Variants in CHD7 observed in about 807,000 individuals in gnomAD.
CHD7 encodes chromodomain helicase DNA binding protein 7.
A neutral mutation model predicts 307.3 loss-of-function variants in CHD7; 24 were observed. The ratio of observed to expected loss-of-function variants is 0.08; its 90% CI spans 0.06 to 0.11. The LOEUF is 0.11. Among genes scored for constraint, CHD7 ranks in the 10% least tolerant of loss-of-function variants. The pLI is 1.00. For synonymous variants in CHD7, 1,363 were observed against 1,349.9 expected, an observed-to-expected ratio of 1.01 and a Z score of -0.21; for missense variants, 3,106 against 3,727.1, an observed-to-expected ratio of 0.83 and a Z score of 4.34.
chr8:60,731,681 A>T (rs970479476), intron 1 of CHD7, among the ~76,000 whole-genome samples: 1 of 152,232 alleles, frequency 6.6e-6, no homozygotes, highest in African/African-American at 2.4e-5. Context: ...ACCAAAATTT[A>T]GTGTCATAGT....
Position 60,865,908 on chromosome 8 carries a change from T to C in CHD7, c.8969T>C (p.Ile2990Thr), listed in dbSNP as rs900764655. 6.2e-7 allele frequency: 1 copy of C among 1,606,054 alleles called. No individual in the cohort carries two copies. The highest frequency in any genetic ancestry group is 1.7e-5 in the Admixed American group (1 of 58,636). ...ELDSLDGGDE[I>T]ENNENDE is the part of the protein sequence containing the mutation. ...GACTCACTTGATGGGGGGGATGAAA[T>C]AGAAAACAATGAAAATGATGAATAA... is the stretch of plus-strand genomic sequence containing the variant. Residue 2990 changes from isoleucine to threonine, a missense_variant, in exon 38 of 38, where the codon ATA (isoleucine) becomes ACA (threonine). Coordinates refer to ENST00000423902, the MANE Select transcript of CHD7 (RefSeq NM_017780.4). The surrounding 1 kb of genome is among the most constrained non-coding windows in gnomAD (Gnocchi z 4.3).
At chr8:60,856,983 C>T (rs1805748312) in intron 34 of CHD7, 95 bp downstream of exon 34, 1 of 1,155,618 alleles carries the variant, frequency 8.7e-7, no homozygotes, top group East Asian at 2.4e-5. Flanking sequence ...CTCTCAGCAG[C>T]ATTGTATGAA....
At position 60,852,606 on chromosome 8, in the gene CHD7, C is replaced by T; in HGVS notation, c.6003C>T (p.Ala2001=). 5.0e-6 allele frequency: 8 copies of T among 1,613,890 alleles called. No homozygotes were observed. Among genetic ancestry groups the T allele is most frequent in the Non-Finnish European group, 6.8e-6 (8 of 1,179,870 alleles). The change falls in exon 30 of 38, where the codon GCC becomes GCT. Residue 2001 remains alanine (A), a synonymous_variant. Transcript: ENST00000423902. ...QFDWNQFRAF[A]RLDKKSDESL... ...ACTGGAACCAATTTAGAGCCTTTGC[C>T]AGGCTTGACAAAAAATCTGATGAGA...
intron 7 of CHD7, among the ~76,000 whole-genome samples, chr8:60,812,948 T>C (rs1256355899): frequency 6.6e-6 from 1 of 152,114 alleles, no homozygotes; most frequent in Admixed American, 6.5e-5. Context: ...AATGTAATAC[T>C]GTTTAGCCCC....
rs566729433 is a variant in CHD7 at position 60,696,850 on chromosome 8, T to C, written c.-175+17768T>C. Among the ~76,000 whole-genome samples the C allele has an allele frequency of 2.6e-5, 4 of 152,106 alleles. No individual in the cohort carries two copies. The East Asian group carries it at 7.7e-4, about 29-fold the overall frequency. On this transcript the variant is annotated intron_variant, in intron 1 of 37. Coordinates refer to ENST00000423902, the MANE Select transcript of CHD7 (RefSeq NM_017780.4). Reference sequence around the variant, plus strand: ...TACTTTCAAATTTTGCATGTTTTTTTTTTTTCTTTTCTAGATTGCTTGGCA... The same window carrying C: ...TACTTTCAAATTTTGCATGTTTTTTCTTTTTCTTTTCTAGATTGCTTGGCA...
intron 2 of CHD7, among the ~76,000 whole-genome samples, chr8:60,771,253 T>G (rs1176524038): frequency 6.6e-6 from 1 of 152,246 alleles, no homozygotes; most frequent in Admixed American, 6.5e-5. Flanking sequence ...GATTTTAAAG[T>G]ATACATTAGT....
chr8:60,777,518 C>G (rs1811006544), intron 2 of CHD7, among the ~76,000 whole-genome samples: 1 of 152,140 alleles, frequency 6.6e-6, no homozygotes, highest in Admixed American at 6.5e-5. Flanking sequence ...TTTTCATTTT[C>G]TTTGATGATT....
chr8:60,765,813 T>A (rs1208985197), intron 2 of CHD7, among the ~76,000 whole-genome samples: 1 of 152,196 alleles, frequency 6.6e-6, no homozygotes, highest in Non-Finnish European at 1.5e-5. Flanking sequence ...CATTTTAGAA[T>A]GATCTTGCTA....
intron 1 of CHD7, among the ~76,000 whole-genome samples, chr8:60,733,411 T>G (rs772565857): frequency 2.0e-5 from 3 of 152,188 alleles, no homozygotes; most frequent in Non-Finnish European, 4.4e-5. Context: ...CTAGGACATG[T>G]TGTGTACATG....
chr8:60,778,096 G>A (rs1053871744), intron 2 of CHD7, among the ~76,000 whole-genome samples: 1 of 150,288 alleles, frequency 6.7e-6, no homozygotes, highest in African/African-American at 2.4e-5. Flanking sequence ...CTGGTGGGGT[G>A]GGGGGTGGAG....
chr8:60,832,519 C>T (rs1206218849), intron 15 of CHD7, among the ~76,000 whole-genome samples: 1 of 152,112 alleles, frequency 6.6e-6, no homozygotes, highest in African/African-American at 2.4e-5. Context: ...GAGATGAGGA[C>T]ACGTGTGTGC....
rs1805416933 is a variant in CHD7 at position 60,678,976 on chromosome 8, G to C, written c.-281G>C. 6.6e-6 allele frequency: 1 copy of C among 151,906 alleles called. No individual in the cohort carries two copies. Among genetic ancestry groups the C allele is most frequent in the Non-Finnish European group, 1.5e-5 (1 of 68,088 alleles). 9.4% of individuals were successfully genotyped at this position (151,906 alleles called of 1,614,324 possible). ...CCCGTTCGCCCCCGGCCAACTCCGT[G>C]CCCGTGGATTCAGCCCCCTGGCCGC... On this transcript the variant is annotated 5_prime_UTR_variant, in exon 1 of 38. Coordinates refer to ENST00000423902, the MANE Select transcript of CHD7 (RefSeq NM_017780.4).
intron 29 of CHD7, 24 bp downstream of exon 29, chr8:60,852,271 T>C (rs775121430): frequency 1.9e-6 from 3 of 1,598,046 alleles, no homozygotes; most frequent in African/African-American, 2.7e-5. Context: ...AGGTTTCCAC[T>C]CAGCTCCCGG....
intron 1 of CHD7, among the ~76,000 whole-genome samples, chr8:60,721,072 A>C (rs1262713649): frequency 6.6e-6 from 1 of 152,146 alleles, no homozygotes; most frequent in East Asian, 1.9e-4. Flanking sequence ...AGCAACATCA[A>C]CTTAGGCATG....
intron 2 of CHD7, among the ~76,000 whole-genome samples, chr8:60,762,083 T>C (rs1374572190): frequency 6.6e-6 from 1 of 152,222 alleles, no homozygotes; most frequent in Admixed American, 6.5e-5. Context: ...CACCAGACTC[T>C]TGGGTCTTAG....
rs1804052463 is a variant in CHD7 at position 60,821,771 on chromosome 8, T to C, written c.2698-19T>C. ...GTGGTCAAATGAATCCAATTCTGAT[T>C]TATTTAAATCTGGTCCAGCCTGTGA... On this transcript the variant is annotated intron_variant, in intron 9 of 37. Transcript: ENST00000423902. The C allele has an allele frequency of 1.3e-6, 2 of 1,549,388 alleles. No homozygotes were observed. Among genetic ancestry groups the C allele is most frequent in the African/African-American group, 1.4e-5 (1 of 72,868 alleles).
At chr8:60,812,127 C>T (rs1012379052) in intron 7 of CHD7, among the ~76,000 whole-genome samples, 3 of 152,050 alleles carry the variant, frequency 2.0e-5, no homozygotes, top group Non-Finnish European at 2.9e-5. Context: ...TATTGCATTG[C>T]CCATTAAAAT....
At position 60,843,380 on chromosome 8, in the gene CHD7, G is replaced by C. The variant is rs561197059; in HGVS notation, c.4850+1328G>C. ...CACAATCATCAGATTTGAGAGTTCT[G>C]TGGGTAACTTTAGGAATGGAACACA... On this transcript the variant is annotated intron_variant, in intron 21 of 37. Transcript: ENST00000423902. Among the ~76,000 whole-genome samples the C allele has an allele frequency of 1.8e-4, 28 of 152,346 alleles. 1 individual carries two copies. The South Asian group carries it at 4.1e-3, about 23-fold the overall frequency.
chr8:60,710,721 AGTGTGATT>A, intron 1 of CHD7, among the ~76,000 whole-genome samples: 1 of 152,362 alleles, frequency 6.6e-6, no homozygotes, highest in Non-Finnish European at 1.5e-5. Flanking sequence ...CTCAGAGAGC[AGTGTGATT>A]GTTTAAGAGG....
Sources: gnomAD v4.1 joint callset for allele counts (sites outside exome capture counted in the v4.1 genomes callset) on GRCh38, gnomAD v4.1.1 for gene constraint, Gnocchi (gnomAD v3.1) non-coding constraint, MANE v1.5 for transcripts, NCBI Gene and HGNC (gene_info 2026-07-23, HGNC 2026-07-21) for gene names.